The following ROPN1L variants were observed in gnomAD, a reference collection of about 807,000 sequenced individuals.
The protein encoded by ROPN1L is ropporin-1-like protein.
ROPN1L carries 23 observed loss-of-function variants against 22.7 expected under a neutral mutation model. That is an observed-to-expected ratio of 1.01 (90% CI 0.73 to 1.43). ROPN1L has a LOEUF of 1.43. Among genes scored for constraint, ROPN1L ranks in the 40% most tolerant of loss-of-function variants. ROPN1L has a pLI of 0.00. For synonymous variants in ROPN1L, 116 were observed against 117.8 expected (o/e 0.98, Z 0.10); for missense variants, 271 against 291.5 (o/e 0.93, Z 0.51).
chr5:10,481,822 A>T, the ROPN1L span: 1 of 152,186 alleles, frequency 6.6e-6, no homozygotes, highest in Non-Finnish European at 1.5e-5. Flanking sequence ...CCAGCGGGAG[A>T]TGTTATCTTT....
At position 10,461,251 on chromosome 5, in the gene ROPN1L, G is replaced by T. The variant is rs755410588; in HGVS notation, c.485G>T (p.Arg162Leu). 11 of 1,614,006 alleles carry T rather than the reference G, an allele frequency of 6.8e-6. No individual in the cohort carries two copies. Among genetic ancestry groups the T allele is most frequent in the African/African-American group, 4.0e-5 (3 of 74,926 alleles). Reference protein sequence around the residue: ...LTDDPEGGPARIPFKTFSYVY... With the variant: ...LTDDPEGGPALIPFKTFSYVY... The stretch of plus-strand genomic sequence containing the variant: ...GACGATCCGGAGGGCGGGCCCGCTC[G>T]CATCCCCTTCAAGACGTTTTCCTAC... Residue 162 changes from arginine (R) to leucine (L), a missense_variant, in exon 4 of 5, where the codon CGC (arginine) becomes CTC (leucine). Coordinates refer to ENST00000274134, the MANE Select transcript of ROPN1L (RefSeq NM_031916.5).
At chr5:10,443,039 T>C (rs1740934840) in intron 1 of ROPN1L, among the ~76,000 whole-genome samples, 1 of 152,216 alleles carries the variant, frequency 6.6e-6, no homozygotes, top group Admixed American at 6.5e-5. Flanking sequence ...GTAAATTTAA[T>C]TTAAATATTT....
chr5:10,456,566 A>G (rs1257403668), intron 3 of ROPN1L, among the ~76,000 whole-genome samples: 1 of 152,240 alleles, frequency 6.6e-6, no homozygotes, highest in Non-Finnish European at 1.5e-5. Context: ...AGAATAAATC[A>G]GCCACACAGC....
intron 3 of ROPN1L, among the ~76,000 whole-genome samples, chr5:10,455,782 T>TTTTAAAAACCAGTGCTGGGTC (rs1741399834): frequency 5.8e-5 from 8 of 137,492 alleles, no homozygotes; most frequent in South Asian, 2.5e-4. Context: ...AGTGCTGGGT[T>TTTTAAAAACCAGTGCTGGGTC]AGAGGCTTTT....
chr5:10,450,129 C>G lies in ROPN1L; in HGVS notation c.417+16C>G, dbSNP rs770780717. 86 of 1,564,338 alleles carry G rather than the reference C, an allele frequency of 5.5e-5. No individual in the cohort carries two copies. The highest frequency in any genetic ancestry group is 7.2e-5 in the Non-Finnish European group (83 of 1,155,888). ...GCTTGGTGGGGTATGTACCTATAAACAGCATATTAATAATTCTGTGTCATC... is the reference window on the plus strand; with the variant it reads ...GCTTGGTGGGGTATGTACCTATAAAGAGCATATTAATAATTCTGTGTCATC... On this transcript the variant is annotated intron_variant, in intron 3 of 4. Coordinates refer to ENST00000274134, the MANE Select transcript of ROPN1L (RefSeq NM_031916.5).
downstream of ROPN1L, among the ~76,000 whole-genome samples, chr5:10,474,356 C>T (rs771273925): frequency 7.9e-5 from 12 of 152,066 alleles, no homozygotes; most frequent in Non-Finnish European, 1.6e-4. Context: ...GACAATTACC[C>T]CCTCGATTGT....
chr5:10,447,398 CAATT>C (rs1363725195), intron 1 of ROPN1L, among the ~76,000 whole-genome samples: 1 of 151,390 alleles, frequency 6.6e-6, no homozygotes, highest in East Asian at 1.9e-4. Flanking sequence ...CAGAAAGGAA[CAATT>C]AAGGGGAACA....
intron 1 of ROPN1L, 21 bp from the exon 2 acceptor site, chr5:10,448,239 G>A: frequency 1.2e-6 from 2 of 1,613,624 alleles, no homozygotes; most frequent in South Asian, 2.2e-5. Flanking sequence ...TGAGCTTTCA[G>A]AGATGTCTGT....
chr5:10,445,508 G>T (rs1741028575), intron 1 of ROPN1L, among the ~76,000 whole-genome samples: 1 of 152,122 alleles, frequency 6.6e-6, no homozygotes. Context: ...TTGGGGCTTG[G>T]GTGGGGTGGA....
intron 2 of ROPN1L, 97 bp from the exon 3 acceptor site, chr5:10,449,855 G>T: frequency 2.0e-6 from 2 of 1,009,754 alleles, no homozygotes; most frequent in South Asian, 3.3e-5. Context: ...TCCCCTGCAT[G>T]GGGCGGGTTA....
downstream of ROPN1L, among the ~76,000 whole-genome samples, chr5:10,466,255 C>T (rs1032952166): frequency 2.6e-5 from 4 of 152,132 alleles, no homozygotes; most frequent in African/African-American, 4.8e-5. Context: ...GATTACATGA[C>T]GACTTTGGGG....
intron 3 of ROPN1L, among the ~76,000 whole-genome samples, chr5:10,459,047 C>G (rs191221002): frequency 2.0e-5 from 3 of 150,236 alleles, no homozygotes; most frequent in African/African-American, 7.4e-5. Flanking sequence ...TAAGTAGCCA[C>G]CTGAGTCACC....
chr5:10,461,435 G>A (rs1735028199), intron 4 of ROPN1L, 76 bp downstream of exon 4: 7 of 1,304,030 alleles, frequency 5.4e-6, no homozygotes, highest in African/African-American at 1.5e-5. Flanking sequence ...CCCTTGTAGG[G>A]AAAAACTCAG....
At chr5:10,456,581 G>A (rs2921162) in intron 3 of ROPN1L, among the ~76,000 whole-genome samples, 23,859 of 152,188 alleles carry the variant, frequency 0.16, 2,958 homozygotes, top group East Asian at 0.64. Context: ...CACAGCAGAC[G>A]GCAGCATGGG....
At chr5:10,459,345 T>TGCCTTCCACCCTCATCACTGGGTTCCC (rs1734961036) in intron 3 of ROPN1L, among the ~76,000 whole-genome samples, 1 of 146,634 alleles carries the variant, frequency 6.8e-6, no homozygotes, top group African/African-American at 2.7e-5. Flanking sequence ...ACTGGGTTCC[T>TGCCTTCCACCCTCATCACTGGGTTCCC]GCCTTCCACC....
downstream of ROPN1L, among the ~76,000 whole-genome samples, chr5:10,475,694 T>C (rs1237772768): frequency 6.6e-6 from 1 of 152,254 alleles, no homozygotes; most frequent in Non-Finnish European, 1.5e-5. Flanking sequence ...GTTCCAGACC[T>C]GATTCTGCAA....
chr5:10,464,144 T>A (rs972090624), intron 4 of ROPN1L, among the ~76,000 whole-genome samples: 2 of 152,114 alleles, frequency 1.3e-5, no homozygotes, highest in African/African-American at 2.4e-5. Context: ...TCCTTCAAAC[T>A]CACATCCCCT....
chr5:10,473,851 T>G (rs1735283033), downstream of ROPN1L, among the ~76,000 whole-genome samples: 1 of 152,162 alleles, frequency 6.6e-6, no homozygotes, highest in Non-Finnish European at 1.5e-5. Flanking sequence ...AAGATAGACC[T>G]GCTCTAGAAA....
Position 10,441,939 on chromosome 5 carries a change from A to T in ROPN1L, c.-229A>T. On this transcript the variant is annotated 5_prime_UTR_variant, in exon 1 of 5. Transcript: ENST00000274134. ...GTGGCGGCTGGCGCTAGGGAACTGC[A>T]GGGTCTAGGGTGTTGTCGGAGTGGC... is the stretch of plus-strand genomic sequence containing the variant. The T allele has an allele frequency of 2.4e-6, 1 of 419,702 alleles. No homozygotes were observed. Among genetic ancestry groups the T allele is most frequent in the East Asian group, 4.1e-5 (1 of 24,214 alleles). The allele number at this position is 419,702 out of a possible 1,614,324, so 26.0% of individuals were successfully genotyped here.
Sources: allele counts gnomAD v4.1 joint callset (sites outside exome capture counted in the v4.1 genomes callset), GRCh38; gene constraint gnomAD v4.1.1; transcripts MANE v1.5; gene names NCBI Gene and HGNC (gene_info 2026-07-23, HGNC 2026-07-21).